Variants in ZNF569 observed in about 807,000 individuals in gnomAD.
ZNF569 encodes DNA-binding protein.
ZNF569 carries 38 observed loss-of-function variants against 56.3 expected under a neutral mutation model. The observed-to-expected ratio is 0.68, with a 90% CI of 0.52 to 0.88. ZNF569 has a LOEUF of 0.88. ZNF569 is among the 40% of genes least tolerant of loss of function. The pLI, the probability that ZNF569 is intolerant of heterozygous loss-of-function variation, is 0.00. For synonymous variants in ZNF569, 241 were observed against 262.9 expected (o/e 0.92, Z 0.81); for missense variants, 666 against 809.2 (o/e 0.82, Z 2.15).
Position 37,412,892 on chromosome 19 carries a change from T to G in ZNF569, c.1766A>C (p.Gln589Pro). 1 of 1,614,104 alleles carries G rather than the reference T, an allele frequency of 6.2e-7. No individual in the cohort carries two copies. The highest frequency in any genetic ancestry group is 8.5e-7 in the Non-Finnish European group (1 of 1,179,962). ...VCNECGKAFS[Q>P]RTSLIVHMRG... ...CATGTGCACAATAAGGGAAGTTCTTTGAGAGAAGGCTTTCCCACATTCATT... is the reference window on the plus strand; with the variant it reads ...CATGTGCACAATAAGGGAAGTTCTTGGAGAGAAGGCTTTCCCACATTCATT... The change falls in exon 6 of 6, where the codon CAA (glutamine) becomes CCA (proline). Residue 589 changes from glutamine (Q) to proline (P), a missense_variant. Gln to Pro is a moderately conservative substitution (Grantham distance 76). Transcript: ENST00000316950.
intron 3 of ZNF569, among the ~76,000 whole-genome samples, chr19:37,433,879 A>G (rs1489758280): frequency 6.6e-6 from 1 of 152,244 alleles, no homozygotes; most frequent in Admixed American, 6.5e-5. Context: ...ACCTGAAAAA[A>G]GGACGTTAAT....
chr19:37,417,680 A>G lies in ZNF569; in HGVS notation c.239-3261T>C, dbSNP rs1412661845. The stretch of plus-strand genomic sequence containing the variant: ...ATAAAGATGACATTCGTAAGTTAAT[A>G]TATCAGTTTAAAGCGGTTTCAATAA... On this transcript the variant is annotated intron_variant, in intron 5 of 5. Transcript: ENST00000316950. Among the ~76,000 whole-genome samples the G allele has an allele frequency of 2.6e-5, 4 of 152,378 alleles. No homozygotes were observed. In the East Asian group the frequency reaches 5.8e-4, roughly 22 times the overall value.
chr19:37,416,061 C>A (rs2040925735), intron 5 of ZNF569, among the ~76,000 whole-genome samples: 2 of 151,454 alleles, frequency 1.3e-5, no homozygotes, highest in Admixed American at 1.3e-4. Context: ...GGCAAAACCC[C>A]ATTTCTACAA....
chr19:37,431,031 T>C (rs1444536258), intron 3 of ZNF569, among the ~76,000 whole-genome samples: 1 of 152,204 alleles, frequency 6.6e-6, no homozygotes, highest in Non-Finnish European at 1.5e-5. Context: ...TTGTCCATTG[T>C]AGCAGTAGGA....
At chr19:37,461,573 G>A (rs868291510) in intron 2 of ZNF569, among the ~76,000 whole-genome samples, 3 of 152,012 alleles carry the variant, frequency 2.0e-5, no homozygotes, top group South Asian at 2.1e-4. Flanking sequence ...CCAAAGTGCT[G>A]GGATTACAGG....
rs185230266 is a variant in ZNF569 at position 37,414,500 on chromosome 19, A to G, written c.239-81T>C. 469 of 1,489,096 alleles carry G rather than the reference A, an allele frequency of 3.1e-4. 1 individual carries two copies. In the African/African-American group the frequency reaches 6.2e-3, roughly 20 times the overall value. The allele number at this position is 1,489,096 out of a possible 1,614,324, so 92.2% of individuals were successfully genotyped here. A position where few individuals can be genotyped will look rare whatever the true frequency, so the allele number is the denominator to read the frequency against. Reference sequence around the variant, plus strand: ...TGAAGAACATTTTGAAAAATATGCAATTATGGGACTGATTATTGGTTTAAG... The same window carrying G: ...TGAAGAACATTTTGAAAAATATGCAGTTATGGGACTGATTATTGGTTTAAG... On this transcript the variant is annotated intron_variant, in intron 5 of 5. Coordinates refer to ENST00000316950, the MANE Select transcript of ZNF569 (RefSeq NM_152484.3).
At chr19:37,443,675 C>T (rs2041445777) in intron 3 of ZNF569, among the ~76,000 whole-genome samples, 1 of 152,052 alleles carries the variant, frequency 6.6e-6, no homozygotes, top group African/African-American at 2.4e-5. Context: ...GAAAGACACA[C>T]ATCCCACCTC....
At chr19:37,449,370 G>A (rs1235335556) in intron 2 of ZNF569, among the ~76,000 whole-genome samples, 1 of 152,186 alleles carries the variant, frequency 6.6e-6, no homozygotes, top group African/African-American at 2.4e-5. Flanking sequence ...AATGTTGGTT[G>A]ATAATGCCGT....
chr19:37,425,467 G>A (rs949305610), intron 5 of ZNF569, among the ~76,000 whole-genome samples: 18 of 151,610 alleles, frequency 1.2e-4, no homozygotes, highest in African/African-American at 1.9e-4. Flanking sequence ...GACTACAGGC[G>A]CGTGTCACCA....
chr19:37,463,189 T>C (rs1232754076), intron 2 of ZNF569, among the ~76,000 whole-genome samples: 1 of 152,216 alleles, frequency 6.6e-6, no homozygotes, highest in African/African-American at 2.4e-5. Context: ...TTTACTACTC[T>C]GGTCCAGATC....
chr19:37,413,865 T>C lies in ZNF569; in HGVS notation c.793A>G (p.Thr265Ala). 1 of 1,613,534 alleles carries C rather than the reference T, an allele frequency of 6.2e-7. No individual in the cohort carries two copies. The highest frequency in any genetic ancestry group is 1.1e-5 in the South Asian group (1 of 91,072). Residue 265 changes from threonine (T) to alanine (A), a missense_variant, in exon 6 of 6, where the codon ACT becomes GCT. Coordinates refer to ENST00000316950, the MANE Select transcript of ZNF569 (RefSeq NM_152484.3). ...TTACATGCATAGGGCTTCTCTCCAG[T>C]ATGAATTCTTTGATGTCTAATGAGA... ...SNLIRHQRIH[T>A]GEKPYACKEC...
chr19:37,442,708 T>C (rs2041426818), intron 3 of ZNF569, among the ~76,000 whole-genome samples: 1 of 152,162 alleles, frequency 6.6e-6, no homozygotes, highest in South Asian at 2.1e-4. Flanking sequence ...ATGGAAATGT[T>C]GATCAGAGAA....
At chr19:37,460,261 G>A (rs1484158418) in intron 2 of ZNF569, among the ~76,000 whole-genome samples, 1 of 152,058 alleles carries the variant, frequency 6.6e-6, no homozygotes, top group Non-Finnish European at 1.5e-5. Context: ...CAATTCTCCT[G>A]CCTCAGCCTC....
chr19:37,433,201 G>A (rs931940887), intron 3 of ZNF569, among the ~76,000 whole-genome samples: 1 of 152,060 alleles, frequency 6.6e-6, no homozygotes, highest in African/African-American at 2.4e-5. Context: ...GTAGGCATGA[G>A]CCACCACCCC....
At chr19:37,447,560 T>C (rs774207142) in intron 2 of ZNF569, among the ~76,000 whole-genome samples, 2 of 152,196 alleles carry the variant, frequency 1.3e-5, no homozygotes, top group Non-Finnish European at 2.9e-5. Context: ...GTTATATTCC[T>C]TCCTTTTCAA....
intron 3 of ZNF569, among the ~76,000 whole-genome samples, chr19:37,426,696 G>C (rs1411477704): frequency 1.3e-5 from 2 of 152,222 alleles, no homozygotes; most frequent in East Asian, 1.9e-4. Flanking sequence ...GGCTTAGATG[G>C]AAGCAGAAGC....
intron 4 of ZNF569, 25 bp from the exon 5 acceptor site, chr19:37,425,988 T>C (rs780844563): frequency 6.2e-7 from 1 of 1,610,996 alleles, no homozygotes. Flanking sequence ...TTACATAGAT[T>C]TGGGCATACA....
At position 37,414,229 on chromosome 19, in the gene ZNF569, T is replaced by C. The variant is rs1378639877; in HGVS notation, c.429A>G (p.Gly143=). 1 of 1,613,140 alleles carries C rather than the reference T, an allele frequency of 6.2e-7. No homozygotes were observed. Among genetic ancestry groups the C allele is most frequent in the South Asian group, 1.1e-5 (1 of 90,846 alleles). The part of the protein sequence containing the change: ...RHNLYEYDLF[G]KCLEHNFDCH... ...AGTCAAAATTATGTTCTAAACACTT[T>C]CCAAATAAGTCATACTCATAGAGAT... The change falls in exon 6 of 6, where the codon GGA becomes GGG. Residue 143 remains glycine, a synonymous_variant. Transcript: ENST00000316950.
At chr19:37,418,399 A>T (rs1263755768) in intron 5 of ZNF569, among the ~76,000 whole-genome samples, 1 of 152,186 alleles carries the variant, frequency 6.6e-6, no homozygotes, top group African/African-American at 2.4e-5. Context: ...ATTCTATCCA[A>T]AAGTGCACAA....
Sources: allele counts gnomAD v4.1 joint callset (sites outside exome capture counted in the v4.1 genomes callset), GRCh38; gene constraint gnomAD v4.1.1; transcripts MANE v1.5; gene names NCBI Gene and HGNC (gene_info 2026-07-23, HGNC 2026-07-21).